IGFBP3: variants seen among roughly 807,000 people sequenced by gnomAD.
IGFBP3 encodes the protein insulin-like growth factor-binding protein 3.
A neutral mutation model predicts 28.6 loss-of-function variants in IGFBP3; 9 were observed. The ratio of observed to expected loss-of-function variants is 0.31; its 90% CI spans 0.19 to 0.55. The LOEUF (loss-of-function observed/expected upper bound fraction) is 0.55, where lower values mean the gene tolerates loss of function less well. Ranked by LOEUF, IGFBP3 falls within the 20% of genes least tolerant of loss-of-function variation. The pLI is 0.93. For missense variants in IGFBP3, 382 were observed against 428.9 expected (o/e 0.89, Z 0.97); for synonymous variants, 185 against 188.2 (o/e 0.98, Z 0.14).
rs1232740069 is a variant in IGFBP3 at position 45,920,443 on chromosome 7, C to G, written c.403+295G>C. ...CCTGTGTCCAGGATCTTTCCAACAG[C>G]TAAACATCGGTACCGCTCCCCTCAG... On this transcript the variant is annotated intron_variant, in intron 1 of 4. Coordinates refer to ENST00000613132, the MANE Select transcript of IGFBP3 (RefSeq NM_000598.5). 3 of 350,226 alleles carry G rather than the reference C, an allele frequency of 8.6e-6. No individual in the cohort carries two copies. In the East Asian group the frequency reaches 1.3e-4, roughly 15 times the overall value. 21.7% of individuals were successfully genotyped at this position (350,226 alleles called of 1,614,324 possible).
At chr7:45,919,540 G>A (rs1784656519) in intron 1 of IGFBP3, among the ~76,000 whole-genome samples, 1 of 152,154 alleles carries the variant, frequency 6.6e-6, no homozygotes, top group Admixed American at 6.5e-5. Context: ...TCACCCGGGC[G>A]TGGAACTCTA....
In IGFBP3 at chr7:45,916,686, C is replaced by A; in HGVS notation, c.631-19G>T. 1 of 1,596,556 alleles carries A rather than the reference C, an allele frequency of 6.3e-7. No individual in the cohort carries two copies. The highest frequency in any genetic ancestry group is 1.1e-5 in the South Asian group (1 of 90,522). On this transcript the variant is annotated intron_variant, in intron 2 of 4. Transcript: ENST00000613132. ...AGGGACCCTGGGGATCAGGAAGGACCAGAGCAACAGAGTCACAGTTTTTAC... is the reference window on the plus strand; with the variant it reads ...AGGGACCCTGGGGATCAGGAAGGACAAGAGCAACAGAGTCACAGTTTTTAC...
At chr7:45,917,822 A>G (rs762402809) in intron 1 of IGFBP3, among the ~76,000 whole-genome samples, 1 of 151,988 alleles carries the variant, frequency 6.6e-6, no homozygotes, top group Non-Finnish European at 1.5e-5. Flanking sequence ...TTTGCAGTCA[A>G]CTCCAAGTGT....
At chr7:45,918,114 G>A (rs1455746227) in intron 1 of IGFBP3, among the ~76,000 whole-genome samples, 1 of 152,164 alleles carries the variant, frequency 6.6e-6, no homozygotes, top group African/African-American at 2.4e-5. Flanking sequence ...CTAGGTCCCC[G>A]TTACATCTCT....
chr7:45,920,849 G>T lies in IGFBP3; in HGVS notation c.292C>A (p.Pro98Thr). The T allele has an allele frequency of 7.1e-7, 1 of 1,412,894 alleles. No homozygotes were observed. The highest frequency in any genetic ancestry group is 9.2e-7 in the Non-Finnish European group (1 of 1,091,658). The allele number at this position is 1,412,894 out of a possible 1,614,324, so 87.5% of individuals were successfully genotyped here. ...CGSGLRCQPS[P>T]DEARPLQALL... ...GCCTGCAGCGGTCGCGCCTCGTCGGGCGACGGCTGGCAGCGAAGGCCGGAG... is the reference window on the plus strand; with the variant it reads ...GCCTGCAGCGGTCGCGCCTCGTCGGTCGACGGCTGGCAGCGAAGGCCGGAG... The change falls in exon 1 of 5, where the codon CCC becomes ACC. Residue 98 changes from proline (P) to threonine (T), a missense_variant. Transcript: ENST00000613132.
chr7:45,921,153 CG>C lies in IGFBP3; in HGVS notation c.-14del. On this transcript the variant is annotated 5_prime_UTR_variant, in exon 1 of 5. Coordinates refer to ENST00000613132, the MANE Select transcript of IGFBP3 (RefSeq NM_000598.5). ...GCGCCCGCTGCATGACGCCTGCAAC[CG>C]GGGCACGCTGCTTGGCAGGCTGGGC... 1 of 1,502,658 alleles carries C rather than the reference CG, an allele frequency of 6.7e-7. No homozygotes were observed. The highest frequency in any genetic ancestry group is 2.7e-5 in the East Asian group (1 of 36,524). 93.1% of individuals were successfully genotyped at this position (1,502,658 alleles called of 1,614,324 possible). A position where few individuals can be genotyped will look rare whatever the true frequency, so the allele number is the denominator to read the frequency against.
intron 3 of IGFBP3, 55 bp from the exon 4 acceptor site, chr7:45,915,000 G>A: frequency 6.2e-7 from 1 of 1,603,912 alleles, no homozygotes; most frequent in South Asian, 1.1e-5. Flanking sequence ...CTGGTGTCAG[G>A]TCGGTGGCCA....
At chr7:45,916,444 G>C in intron 3 of IGFBP3, 104 bp downstream of exon 3, 2 of 1,200,020 alleles carry the variant, frequency 1.7e-6, no homozygotes, top group East Asian at 2.5e-5. Context: ...TGCTGCACAG[G>C]CTCAGAGTTA....
intron 2 of IGFBP3, 51 bp from the exon 3 acceptor site, chr7:45,916,718 A>C: frequency 6.3e-7 from 1 of 1,580,066 alleles, no homozygotes; most frequent in South Asian, 1.1e-5. Flanking sequence ...TTACTCTAGA[A>C]TGTGTGCTTT....
rs943418242 is a variant in IGFBP3, at chr7:45,915,035, G to A, written c.751-90C>T. ...AGGGCGCATGATGGTTTGCCAGCGT[G>A]ACTCTGCTATGCTGAGAAAGCACAA... On this transcript the variant is annotated intron_variant, in intron 3 of 4. Coordinates refer to ENST00000613132, the MANE Select transcript of IGFBP3 (RefSeq NM_000598.5). 4.1e-6 allele frequency: 6 copies of A among 1,462,806 alleles called. No individual in the cohort carries two copies. The African/African-American group carries it at 6.9e-5, about 17-fold the overall frequency. The allele number at this position is 1,462,806 out of a possible 1,614,324, so 90.6% of individuals were successfully genotyped here. A position where few individuals can be genotyped will look rare whatever the true frequency, so the allele number is the denominator to read the frequency against.
intron 3 of IGFBP3, among the ~76,000 whole-genome samples, chr7:45,915,965 T>TGGGGC (rs1411188635): frequency 6.6e-6 from 1 of 152,202 alleles, no homozygotes; most frequent in African/African-American, 2.4e-5. Context: ...CATGCTGCAG[T>TGGGGC]CATCCCCCCA....
chr7:45,915,046 G>C (rs1293938321), intron 3 of IGFBP3, 101 bp from the exon 4 acceptor site: 9 of 1,379,566 alleles, frequency 6.5e-6, no homozygotes, highest in Non-Finnish European at 8.0e-6. Flanking sequence ...ACTCTGCTAT[G>C]CTGAGAAAGC....
chr7:45,915,200 T>G (rs1243630489), intron 3 of IGFBP3: 4 of 440,348 alleles, frequency 9.1e-6, no homozygotes, highest in Admixed American at 3.7e-5. Flanking sequence ...GAGTATAAGG[T>G]GGACACCAGC....
intron 4 of IGFBP3, chr7:45,914,338 A>G (rs1168733120): frequency 7.2e-5 from 11 of 152,452 alleles, no homozygotes; most frequent in Admixed American, 7.2e-4. Context: ...AAAAAGCTGC[A>G]TCTTCAAACT....
At chr7:45,918,919 T>C (rs1784647741) in intron 1 of IGFBP3, among the ~76,000 whole-genome samples, 1 of 152,210 alleles carries the variant, frequency 6.6e-6, no homozygotes. Flanking sequence ...AGGAGGTCCC[T>C]ACCTGCGAGG....
chr7:45,915,055 G>A, intron 3 of IGFBP3, 110 bp from the exon 4 acceptor site: 1 of 1,327,130 alleles, frequency 7.5e-7, no homozygotes, highest in Non-Finnish European at 1.0e-6. Context: ...TGCTGAGAAA[G>A]CACAACAGAA....
chr7:45,914,473 C>A (rs1055033040), intron 4 of IGFBP3: 1 of 180,798 alleles, frequency 5.5e-6, no homozygotes, highest in Non-Finnish European at 1.2e-5. Flanking sequence ...GACCTCCAGA[C>A]CTCACGGGTA....
intron 1 of IGFBP3, 93 bp from the exon 2 acceptor site, chr7:45,917,532 A>ACCAACCAGGTCAC: frequency 2.9e-6 from 3 of 1,041,158 alleles, no homozygotes; most frequent in Non-Finnish European, 4.2e-6. Flanking sequence ...GTCACATGTA[A>ACCAACCAGGTCAC]ATGACAATAT....
intron 3 of IGFBP3, 172 bp from the exon 4 acceptor site, chr7:45,915,117 G>C: frequency 1.5e-6 from 1 of 674,088 alleles, no homozygotes; most frequent in South Asian, 1.9e-5. Context: ...CGCTGAGTGT[G>C]CGCCTGTGCA....
Sources: gnomAD v4.1 joint callset for allele counts (sites outside exome capture counted in the v4.1 genomes callset) on GRCh38, gnomAD v4.1.1 for gene constraint, MANE v1.5 for transcripts, NCBI Gene and HGNC (gene_info 2026-07-23, HGNC 2026-07-21) for gene names.